The following BAZ2B variants were observed in gnomAD, a reference collection of about 807,000 sequenced individuals.
BAZ2B encodes bromodomain adjacent to zinc finger domain protein 2B.
BAZ2B carries 91 observed loss-of-function variants against 246.0 expected under a neutral mutation model. The observed-to-expected ratio is 0.37, with a 90% CI of 0.31 to 0.44. BAZ2B has a LOEUF of 0.44. Among genes scored for constraint, BAZ2B ranks in the 20% least tolerant of loss-of-function variants. The pLI is 1.00. For synonymous variants in BAZ2B, 855 were observed against 860.0 expected, an observed-to-expected ratio of 0.99 and a Z score of 0.10; for missense variants, 2,332 against 2,533.7, an observed-to-expected ratio of 0.92 and a Z score of 1.71.
chr2:159,361,029 A>G (rs1412774837), intron 27 of BAZ2B, among the ~76,000 whole-genome samples: 2 of 152,172 alleles, frequency 1.3e-5, no homozygotes, highest in Non-Finnish European at 2.9e-5. Flanking sequence ...ACCATTCAGG[A>G]CATAGGCATG....
the BAZ2B span, among the ~76,000 whole-genome samples, chr2:159,635,357 AAAAAAAAATAAAAAT>A: frequency 6.7e-6 from 1 of 150,180 alleles, no homozygotes; most frequent in Non-Finnish European, 1.5e-5. Context: ...GAAAAATGTA[AAAAAAAAATAAAAAT>A]AAAAAAAATA....
At chr2:159,710,492 G>A in the BAZ2B span, among the ~76,000 whole-genome samples, 1 of 152,302 alleles carries the variant, frequency 6.6e-6, no homozygotes, top group East Asian at 1.9e-4. Flanking sequence ...ACAGGCATGA[G>A]CCACGGCGCC....
downstream of BAZ2B, among the ~76,000 whole-genome samples, chr2:159,316,204 T>C (rs576086922): frequency 1.6e-4 from 25 of 152,132 alleles, no homozygotes; most frequent in Admixed American, 3.9e-4. Context: ...GCAAGAATAA[T>C]GTAAAGAGTG....
intron 31 of BAZ2B, among the ~76,000 whole-genome samples, chr2:159,347,209 A>G (rs886566939): frequency 2.0e-5 from 3 of 152,170 alleles, no homozygotes; most frequent in African/African-American, 7.2e-5. Context: ...TCTGAATACC[A>G]TTAAGGAGGT....
chr2:159,680,089 T>C, the BAZ2B span, among the ~76,000 whole-genome samples: 1 of 152,220 alleles, frequency 6.6e-6, no homozygotes, highest in African/African-American at 2.4e-5. Context: ...ATGTTAATAA[T>C]GTGTGATGTT....
chr2:159,526,952 C>CTT (rs754477480), intron 2 of BAZ2B, among the ~76,000 whole-genome samples: 10 of 140,678 alleles, frequency 7.1e-5, no homozygotes, highest in Non-Finnish European at 1.6e-4. Flanking sequence ...GTGTTTCTTC[C>CTT]TTTTTTTTTT....
At chr2:159,500,077 C>A (rs544942325) in intron 2 of BAZ2B, among the ~76,000 whole-genome samples, 7 of 152,296 alleles carry the variant, frequency 4.6e-5, no homozygotes, top group African/African-American at 1.4e-4. Flanking sequence ...GCATTTTCAT[C>A]ATAAAATCTT....
the BAZ2B span, among the ~76,000 whole-genome samples, chr2:159,660,444 A>T: frequency 6.6e-6 from 1 of 152,090 alleles, no homozygotes; most frequent in Non-Finnish European, 1.5e-5. Flanking sequence ...TTCTGTAGAC[A>T]TATGTTTTCA....
At chr2:159,595,172 G>A (rs759296567) in intron 1 of BAZ2B, among the ~76,000 whole-genome samples, 6 of 151,394 alleles carry the variant, frequency 4.0e-5, no homozygotes, top group Non-Finnish European at 8.8e-5. Flanking sequence ...GCATGACCTC[G>A]GCTCACCGCA....
intron 3 of BAZ2B, chr2:159,463,333 G>A: frequency 3.8e-6 from 1 of 259,768 alleles, no homozygotes; most frequent in South Asian, 4.5e-5. Flanking sequence ...TAATCGTTCT[G>A]CAATGAACAT....
At chr2:159,390,862 G>C (rs1156743620) in intron 20 of BAZ2B, among the ~76,000 whole-genome samples, 1 of 152,060 alleles carries the variant, frequency 6.6e-6, no homozygotes. Flanking sequence ...ATTCTGGGAG[G>C]ACAAACTATA....
At chr2:159,551,084 C>G (rs542909664) in intron 2 of BAZ2B, among the ~76,000 whole-genome samples, 2 of 152,276 alleles carry the variant, frequency 1.3e-5, no homozygotes, top group African/African-American at 2.4e-5. Flanking sequence ...GCAATCCCCC[C>G]TGTTGGGCTC....
At chr2:159,649,134 G>A in the BAZ2B span, among the ~76,000 whole-genome samples, 1 of 152,000 alleles carries the variant, frequency 6.6e-6, no homozygotes, top group Non-Finnish European at 1.5e-5. Context: ...TGAAATGTCT[G>A]TTCAACTCGT....
At chr2:159,502,467 GAAAA>G (rs34450681) in intron 2 of BAZ2B, among the ~76,000 whole-genome samples, 1 of 137,686 alleles carries the variant, frequency 7.3e-6, no homozygotes, top group African/African-American at 2.7e-5. Flanking sequence ...TCTCAAAAAG[GAAAA>G]AAAAAAAAAA....
At chr2:159,632,212 G>A in the BAZ2B span, among the ~76,000 whole-genome samples, 3 of 151,936 alleles carry the variant, frequency 2.0e-5, no homozygotes, top group Non-Finnish European at 4.4e-5. Context: ...GAAATCCAAG[G>A]GCATAATAAC....
chr2:159,352,388 C>T (rs1260895026), intron 27 of BAZ2B, among the ~76,000 whole-genome samples: 1 of 152,068 alleles, frequency 6.6e-6, no homozygotes, highest in African/African-American at 2.4e-5. Context: ...CAGAATTTAA[C>T]ATTAATCATG....
At chr2:159,385,431 A>C (rs2062523951) in intron 22 of BAZ2B, 62 bp from the exon 23 acceptor site, 2 of 1,404,992 alleles carry the variant, frequency 1.4e-6, no homozygotes, top group Admixed American at 1.8e-5. Flanking sequence ...AAAAACAATA[A>C]GATTAAAAAT....
At chr2:159,612,731 C>T (rs1048011154) in intron 1 of BAZ2B, among the ~76,000 whole-genome samples, 3 of 152,106 alleles carry the variant, frequency 2.0e-5, no homozygotes, top group African/African-American at 4.8e-5. Context: ...AATGACACCA[C>T]TAATGGCTTC....
At position 159,439,081 on chromosome 2, in the gene BAZ2B, ATCTTCT is replaced by A. The variant is rs564292204; in HGVS notation, c.822_827del (p.Glu274_Glu275del). 6.2e-7 allele frequency: 1 copy of A among 1,613,676 alleles called. No individual in the cohort carries two copies. Among genetic ancestry groups the A allele is most frequent in the Non-Finnish European group, 8.5e-7 (1 of 1,179,868 alleles). On this transcript the variant is annotated inframe_deletion, in exon 7 of 37. Transcript: ENST00000392783. The stretch of plus-strand genomic sequence containing the variant: ...CATCTTCACTTTCTTCAATACTTTG[ATCTTCT>A]TCTTCTTCATCTTCTTCTAGATCAT...
Sources: gnomAD v4.1 joint callset for allele counts (sites outside exome capture counted in the v4.1 genomes callset) on GRCh38, gnomAD v4.1.1 for gene constraint, MANE v1.5 for transcripts, NCBI Gene and HGNC (gene_info 2026-07-23, HGNC 2026-07-21) for gene names.